The following ZFPM1 variants were observed in gnomAD, a reference collection of about 807,000 sequenced individuals.
ZFPM1 encodes zinc finger protein ZFPM1.
ZFPM1 carries 28 observed loss-of-function variants against 46.3 expected under a neutral mutation model. The ratio of observed to expected loss-of-function variants is 0.60; its 90% CI spans 0.45 to 0.83. ZFPM1 has a LOEUF of 0.83. Among genes scored for constraint, ZFPM1 ranks in the 40% least tolerant of loss-of-function variants. The probability of loss-of-function intolerance (pLI) is 0.00; values close to 1 mark genes in which losing one functional copy is unlikely to be tolerated. For missense variants in ZFPM1, 1,878 were observed against 1,432.4 expected (o/e 1.31, Z -5.02); for synonymous variants, 957 against 675.9 (o/e 1.42, Z -6.45).
At chr16:88,473,078 T>A (rs1908501187) in intron 1 of ZFPM1, among the ~76,000 whole-genome samples, 3 of 152,276 alleles carry the variant, frequency 2.0e-5, no homozygotes. Context: ...CCTCCGTTTC[T>A]GCAGCTGTGC....
intron 3 of ZFPM1, among the ~76,000 whole-genome samples, chr16:88,511,996 CCT>C (rs1472448391): frequency 6.6e-6 from 1 of 152,240 alleles, no homozygotes; most frequent in Non-Finnish European, 1.5e-5. Context: ...CCCGGCCATC[CCT>C]GAGTGGTGGG....
intron 1 of ZFPM1, among the ~76,000 whole-genome samples, chr16:88,470,397 C>T (rs1253491298): frequency 2.0e-5 from 3 of 152,214 alleles, no homozygotes; most frequent in East Asian, 3.9e-4. Flanking sequence ...CATGGAACCC[C>T]AGCCTAACGA....
At chr16:88,505,487 G>T (rs1049461457) in intron 3 of ZFPM1, among the ~76,000 whole-genome samples, 2 of 152,196 alleles carry the variant, frequency 1.3e-5, no homozygotes, top group African/African-American at 4.8e-5. Context: ...ATGAAATCAA[G>T]ACCTCTGCCC....
In ZFPM1 at chr16:88,524,565, C is replaced by T. The variant is rs1052201458; in HGVS notation, c.403-2249C>T. Among the ~76,000 whole-genome samples the T allele has an allele frequency of 4.6e-5, 7 of 152,332 alleles. No individual in the cohort carries two copies. The East Asian group carries it at 5.8e-4, about 13-fold the overall frequency. ...TGCTGCCCCGGACATGCCCTGTGGA[C>T]GGCACCCCATGCCCACTTTGTCCTG... On this transcript the variant is annotated intron_variant, in intron 4 of 9. Transcript: ENST00000319555.
intron 3 of ZFPM1, among the ~76,000 whole-genome samples, chr16:88,510,924 C>T (rs1233479354): frequency 6.6e-6 from 1 of 152,146 alleles, no homozygotes; most frequent in Non-Finnish European, 1.5e-5. Flanking sequence ...AGGCTCGGTC[C>T]GTGGGGCAGG....
rs3812947 is a variant in ZFPM1, at chr16:88,536,928, G to A, written c.*1949G>A. 124,350 of 152,224 alleles carry A rather than the reference G, an allele frequency of 0.82. 51,499 individuals carry two copies. The highest frequency in any genetic ancestry group is 0.97 in the East Asian group (5,017 of 5,190). 9.4% of individuals were successfully genotyped at this position (152,224 alleles called of 1,614,324 possible). A position where few individuals can be genotyped will look rare whatever the true frequency, so the allele number is the denominator to read the frequency against. ...CTGCCCCCAAGTCCTCCCCAGGTGCGGGCGCAGGGTACAAGATGTTCTAAA... is the reference window on the plus strand; with the variant it reads ...CTGCCCCCAAGTCCTCCCCAGGTGCAGGCGCAGGGTACAAGATGTTCTAAA... On this transcript the variant is annotated 3_prime_UTR_variant, in exon 10 of 10. Coordinates refer to ENST00000319555, the MANE Select transcript of ZFPM1 (RefSeq NM_153813.3).
At chr16:88,490,900 G>A (rs954900333) in intron 3 of ZFPM1, among the ~76,000 whole-genome samples, 2 of 152,180 alleles carry the variant, frequency 1.3e-5, no homozygotes, top group African/African-American at 4.8e-5. Context: ...ACAGATGGTG[G>A]GGGTTCCAGG....
chr16:88,519,869 A>G (rs1227205209), intron 4 of ZFPM1, among the ~76,000 whole-genome samples: 1 of 150,150 alleles, frequency 6.7e-6, no homozygotes, highest in East Asian at 2.0e-4. Flanking sequence ...ATGGGTGGGT[A>G]GATGGGTAGA....
chr16:88,510,645 G>T (rs1319652364), intron 3 of ZFPM1, among the ~76,000 whole-genome samples: 9 of 151,970 alleles, frequency 5.9e-5, no homozygotes. Context: ...GCTCACCCAT[G>T]CGGCCTAGGT....
At chr16:88,487,651 T>C (rs1325529145) in intron 2 of ZFPM1, among the ~76,000 whole-genome samples, 1 of 152,096 alleles carries the variant, frequency 6.6e-6, no homozygotes, top group African/African-American at 2.4e-5. Flanking sequence ...CACCCCAGCA[T>C]TTCCCAGTCT....
intron 4 of ZFPM1, among the ~76,000 whole-genome samples, chr16:88,522,841 G>C (rs965468366): frequency 2.6e-5 from 4 of 152,194 alleles, no homozygotes; most frequent in African/African-American, 9.6e-5. Flanking sequence ...CACCCTGGGA[G>C]GGAAGATGGC....
chr16:88,468,221 G>A (rs1196549392), intron 1 of ZFPM1, among the ~76,000 whole-genome samples: 5 of 136,124 alleles, frequency 3.7e-5, no homozygotes, highest in Non-Finnish European at 6.2e-5. Flanking sequence ...CGAGCCCACC[G>A]CCCCTCAAGC....
chr16:88,499,876 C>G (rs749026525), intron 3 of ZFPM1, among the ~76,000 whole-genome samples: 1 of 152,198 alleles, frequency 6.6e-6, no homozygotes, highest in African/African-American at 2.4e-5. Flanking sequence ...GCTCCCCGGC[C>G]CCTCCTCGGC....
Position 88,534,974 on chromosome 16 carries a change from A to C in ZFPM1, c.3016A>C (p.Lys1006Gln), listed in dbSNP as rs750701854. The change falls in exon 10 of 10, where the codon AAG becomes CAG. Residue 1006 changes from lysine (K) to glutamine (Q), a missense_variant. By Grantham distance (53) the Lys-to-Gln change is moderately conservative (BLOSUM62 1). Transcript: ENST00000319555. Reference sequence around the variant, plus strand: ...CTCCTCGCACGCCGCCGAGCACGTGAAGTGAGCGCCCACACTACAGCCGCA... The same window carrying C: ...CTCCTCGCACGCCGCCGAGCACGTGCAGTGAGCGCCCACACTACAGCCGCA... ...YCSSHAAEHV[K>Q] The C allele has an allele frequency of 1.9e-5, 28 of 1,444,040 alleles. No individual in the cohort carries two copies. Among genetic ancestry groups the C allele is most frequent in the Non-Finnish European group, 2.6e-5 (28 of 1,084,326 alleles). The allele number at this position is 1,444,040 out of a possible 1,614,324, so 89.5% of individuals were successfully genotyped here.
Position 88,534,322 on chromosome 16 carries a change from C to T in ZFPM1, c.2364C>T (p.Gly788=), listed in dbSNP as rs1398239099. The change falls in exon 10 of 10, where the codon GGC becomes GGT. Residue 788 remains glycine (G), a synonymous_variant. Transcript: ENST00000319555. ...GPGLAPARSP[G]PAADGPIDLS... ...GCCTCGCCCCTGCGCGCTCGCCCGGCCCCGCGGCCGACGGCCCCATCGACC... is the reference window on the plus strand; with the variant it reads ...GCCTCGCCCCTGCGCGCTCGCCCGGTCCCGCGGCCGACGGCCCCATCGACC... 43 of 1,339,946 alleles carry T rather than the reference C, an allele frequency of 3.2e-5. No individual in the cohort carries two copies. The highest frequency in any genetic ancestry group is 6.8e-5 in the East Asian group (2 of 29,298). The allele number at this position is 1,339,946 out of a possible 1,614,324, so 83.0% of individuals were successfully genotyped here. A position where few individuals can be genotyped will look rare whatever the true frequency, so the allele number is the denominator to read the frequency against.
chr16:88,472,463 C>T (rs914002049), intron 1 of ZFPM1, among the ~76,000 whole-genome samples: 1 of 150,668 alleles, frequency 6.6e-6, no homozygotes, highest in Admixed American at 6.6e-5. Flanking sequence ...AAGATATTCT[C>T]CTGCCTCAGC....
Position 88,534,152 on chromosome 16 carries a change from C to A in ZFPM1, c.2194C>A (p.Pro732Thr). The A allele has an allele frequency of 1.0e-6, 1 of 1,003,518 alleles. No individual in the cohort carries two copies. The highest frequency in any genetic ancestry group is 1.8e-5 in the African/African-American group (1 of 56,778). The allele number at this position is 1,003,518 out of a possible 1,614,324, so 62.2% of individuals were successfully genotyped here. The stretch of plus-strand genomic sequence containing the variant: ...CCCTGGGCCGGCCGCGCCCCCGGCC[C>A]CCTCTCCCGCCGCGCCTGTGCGCAC... ...GPPGPAAPPA[P>T]SPAAPVRTRR... Residue 732 changes from proline to threonine, a missense_variant, in exon 10 of 10, where the codon CCC (proline) becomes ACC (threonine). Coordinates refer to ENST00000319555, the MANE Select transcript of ZFPM1 (RefSeq NM_153813.3).
At chr16:88,516,428 G>A (rs1408449193) in intron 4 of ZFPM1, 3 of 397,822 alleles carry the variant, frequency 7.5e-6, no homozygotes, top group African/African-American at 4.1e-5. Flanking sequence ...GGGGCACAAG[G>A]GGAGCCAAGG....
chr16:88,452,981 G>A (rs1425959813), upstream of ZFPM1, among the ~76,000 whole-genome samples: 3 of 152,114 alleles, frequency 2.0e-5, no homozygotes, highest in Admixed American at 2.0e-4. Flanking sequence ...GAAGGGGCGG[G>A]GCATCGAGCG....
Sources: gnomAD v4.1 joint callset for allele counts (sites outside exome capture counted in the v4.1 genomes callset) on GRCh38, gnomAD v4.1.1 for gene constraint, MANE v1.5 for transcripts, NCBI Gene and HGNC (gene_info 2026-07-23, HGNC 2026-07-21) for gene names.